The following PCDHGA3 variants were observed in gnomAD, a reference collection of about 807,000 sequenced individuals.
PCDHGA3 encodes the protein protocadherin gamma subfamily A, 3, also known as protocadherin gamma-A3.
A neutral mutation model predicts 58.5 loss-of-function variants in PCDHGA3; 40 were observed. The observed-to-expected ratio is 0.68, with a 90% CI of 0.53 to 0.89. PCDHGA3 has a LOEUF of 0.89. Among genes scored for constraint, PCDHGA3 ranks in the 40% least tolerant of loss-of-function variants. The probability of loss-of-function intolerance (pLI) is 0.00; values close to 1 mark genes in which losing one functional copy is unlikely to be tolerated. For missense variants in PCDHGA3, 1,223 were observed against 1,195.9 expected, an observed-to-expected ratio of 1.02 and a Z score of -0.33; for synonymous variants, 530 against 525.7, an observed-to-expected ratio of 1.01 and a Z score of -0.11.
chr5:141,379,862 T>G (rs1157385498), intron 1 of PCDHGA3, among the ~76,000 whole-genome samples: 2 of 150,480 alleles, frequency 1.3e-5, no homozygotes, highest in African/African-American at 4.9e-5. Flanking sequence ...TATTGTCTTA[T>G]TCTTATTTTA....
chr5:141,366,216 C>T, intron 1 of PCDHGA3: 1 of 1,613,804 alleles, frequency 6.2e-7, no homozygotes, highest in Non-Finnish European at 8.5e-7. Context: ...GTGCGCACAG[C>T]GCGAGCCCTG....
chr5:141,477,275 G>C lies in PCDHGA3; in HGVS notation c.2425-17532G>C, dbSNP rs1241603826. On this transcript the variant is annotated intron_variant, in intron 1 of 3. Transcript: ENST00000253812. This position sits in a 1 kb window ranked among gnomAD's most constrained non-coding sequence, Gnocchi z 4.9. ...CCTGGATGCTGGCGAGAACGGGCTG[G>C]TGACCTGCGAAGTTCCACCGGGTCT... The C allele has an allele frequency of 2.5e-6, 4 of 1,614,198 alleles. No individual in the cohort carries two copies. The South Asian group carries it at 4.4e-5, about 18-fold the overall frequency.
At chr5:141,408,600 T>C (rs761951478) in intron 1 of PCDHGA3, 7 of 1,613,998 alleles carry the variant, frequency 4.3e-6, no homozygotes, top group Non-Finnish European at 4.2e-6. Flanking sequence ...GCCCCTCAAT[T>C]TGATAAAAAG....
intron 1 of PCDHGA3, among the ~76,000 whole-genome samples, chr5:141,466,180 AT>A (rs922532578): frequency 6.6e-6 from 1 of 151,138 alleles, no homozygotes; most frequent in Admixed American, 6.6e-5. Context: ...TTTTATTTTT[AT>A]TTTTTTTCAG....
At chr5:141,468,403 A>C (rs2099166784) in intron 1 of PCDHGA3, 1 of 152,088 alleles carries the variant, frequency 6.6e-6, no homozygotes, top group African/African-American at 2.4e-5. Flanking sequence ...GGTGAGAACT[A>C]ATAATAAGTT....
intron 1 of PCDHGA3, among the ~76,000 whole-genome samples, chr5:141,401,714 A>T (rs964631036): frequency 2.0e-5 from 3 of 152,226 alleles, no homozygotes; most frequent in Non-Finnish European, 4.4e-5. Flanking sequence ...CATTTTTAAG[A>T]CAAAAACTAC....
Position 141,490,973 on chromosome 5 carries a change from G to A in PCDHGA3, c.2425-3834G>A, listed in dbSNP as rs774983500. 5.0e-6 allele frequency: 8 copies of A among 1,613,932 alleles called. No homozygotes were observed. The highest frequency in any genetic ancestry group is 2.2e-5 in the East Asian group (1 of 44,878). On this transcript the variant is annotated intron_variant, in intron 1 of 3. Transcript: ENST00000253812. The surrounding 1 kb of genome is among the most constrained non-coding windows in gnomAD (Gnocchi z 5.4). ...GACTGGGAACACTCAGCCCCCCAGC[G>A]TCTCCCTCGCTCTGCTCCTCCTGGC...
chr5:141,364,827 C>G (rs1444045845), intron 1 of PCDHGA3: 1 of 1,613,996 alleles, frequency 6.2e-7, no homozygotes, highest in Non-Finnish European at 8.5e-7. Context: ...GGTGTGAACT[C>G]TCTCCGGAGT....
At chr5:141,385,285 G>C in intron 1 of PCDHGA3, 1 of 1,613,408 alleles carries the variant, frequency 6.2e-7, no homozygotes, top group Non-Finnish European at 8.5e-7. Flanking sequence ...AACATCCGTA[G>C]ATTTTCAGGA....
intron 1 of PCDHGA3, chr5:141,383,067 C>G: frequency 1.2e-6 from 2 of 1,613,822 alleles, no homozygotes; most frequent in South Asian, 1.1e-5. Flanking sequence ...GGCTGGAGCC[C>G]CGGGAGCTGG....
At chr5:141,371,281 G>A in intron 1 of PCDHGA3, 1 of 1,614,034 alleles carries the variant, frequency 6.2e-7, no homozygotes, top group Non-Finnish European at 8.5e-7. Context: ...AAGCTGGACA[G>A]TAAAACGGGG....
rs762926348 is a variant in PCDHGA3, at chr5:141,408,364, A to C, written c.2424+61907A>C. ...TGGTGGGGAACCTCGCTAAGGATCTAGGGCTCAGTGTCCTGGATGTGTCGG... is the reference window on the plus strand; with the variant it reads ...TGGTGGGGAACCTCGCTAAGGATCTCGGGCTCAGTGTCCTGGATGTGTCGG... On this transcript the variant is annotated intron_variant, in intron 1 of 3. Transcript: ENST00000253812. 3.7e-6 allele frequency: 6 copies of C among 1,613,960 alleles called. No individual in the cohort carries two copies. In the East Asian group the frequency reaches 1.3e-4, roughly 36 times the overall value.
intron 1 of PCDHGA3, among the ~76,000 whole-genome samples, chr5:141,455,407 A>T (rs1273781307): frequency 1.3e-5 from 2 of 152,174 alleles, no homozygotes; most frequent in Non-Finnish European, 2.9e-5. Context: ...TTACAGAGAC[A>T]GAGGGAGCGG....
At chr5:141,374,810 A>G in intron 1 of PCDHGA3, 1 of 1,613,952 alleles carries the variant, frequency 6.2e-7, no homozygotes, top group Non-Finnish European at 8.5e-7. Context: ...TCCAATGTTT[A>G]CTCAGCCTGT....
At chr5:141,458,090 G>C (rs1306631184) in intron 1 of PCDHGA3, among the ~76,000 whole-genome samples, 2 of 152,234 alleles carry the variant, frequency 1.3e-5, no homozygotes, top group Non-Finnish European at 1.5e-5. Context: ...CGTAAGTTAA[G>C]AGTACTTACA....
rs2099427481 is a variant in PCDHGA3 at position 141,477,973 on chromosome 5, T to A, written c.2425-16834T>A. On this transcript the variant is annotated intron_variant, in intron 1 of 3. Coordinates refer to ENST00000253812, the MANE Select transcript of PCDHGA3 (RefSeq NM_018916.4). The surrounding 1 kb of genome is among the most constrained non-coding windows in gnomAD (Gnocchi z 4.9). The stretch of plus-strand genomic sequence containing the variant: ...TGGGATCCCCTAACCAGAGCCTTTT[T>A]GCCATAGGGCTGCACACTGGTCAAA... 1 of 1,614,030 alleles carries A rather than the reference T, an allele frequency of 6.2e-7. No individual in the cohort carries two copies. The highest frequency in any genetic ancestry group is 8.5e-7 in the Non-Finnish European group (1 of 1,180,030).
At chr5:141,478,563 C>G (rs1484075735) in intron 1 of PCDHGA3, 16 of 1,596,154 alleles carry the variant, frequency 1.0e-5, no homozygotes, top group African/African-American at 1.3e-5. Context: ...TTTAGCAAGT[C>G]ATGCTTGACC....
chr5:141,361,506 C>A (rs753696787), intron 1 of PCDHGA3: 2 of 1,614,046 alleles, frequency 1.2e-6, no homozygotes, highest in Non-Finnish European at 8.5e-7. Context: ...AGACTTCCTA[C>A]ATGGTTCACG....
intron 1 of PCDHGA3, among the ~76,000 whole-genome samples, chr5:141,405,840 A>G (rs1005736499): frequency 6.6e-6 from 1 of 152,188 alleles, no homozygotes; most frequent in African/African-American, 2.4e-5. Flanking sequence ...GTATAAGTTG[A>G]TATCAGTGTG....
Sources: gnomAD v4.1 joint callset for allele counts (sites outside exome capture counted in the v4.1 genomes callset) on GRCh38, gnomAD v4.1.1 for gene constraint, Gnocchi (gnomAD v3.1) non-coding constraint, MANE v1.5 for transcripts, NCBI Gene and HGNC (gene_info 2026-07-23, HGNC 2026-07-21) for gene names.